Variants in CALN1 observed in about 807,000 individuals in gnomAD.
The protein encoded by CALN1 is calcium-binding protein 8.
Under a neutral mutation model 30.6 loss-of-function variants are expected in CALN1, and 17 were observed. The observed-to-expected ratio is 0.56, with a 90% CI of 0.38 to 0.83. The LOEUF is 0.83. CALN1 is among the 40% of genes least tolerant of loss of function. The pLI is 0.00. For missense variants in CALN1, 291 were observed against 354.9 expected (o/e 0.82, Z 1.45); for synonymous variants, 156 against 131.4 (o/e 1.19, Z -1.28).
chr7:72,369,344 A>T (rs1170076524), intron 2 of CALN1, among the ~76,000 whole-genome samples: 1 of 69,526 alleles, frequency 1.4e-5, no homozygotes, highest in African/African-American at 5.2e-5. Flanking sequence ...TATAAATATT[A>T]TAAATATTTA....
chr7:72,358,858 T>C (rs1377523787), intron 2 of CALN1, among the ~76,000 whole-genome samples: 1 of 151,758 alleles, frequency 6.6e-6, no homozygotes, highest in Admixed American at 6.6e-5. Context: ...CTCGGTAGGC[T>C]GAGGCAGGAG....
chr7:71,881,367 T>G (rs993751530), intron 5 of CALN1, among the ~76,000 whole-genome samples: 4 of 152,156 alleles, frequency 2.6e-5, no homozygotes, highest in African/African-American at 9.7e-5. Context: ...TATACATCTA[T>G]CCTATTAGTT....
chr7:72,448,865 A>G (rs1282593440), upstream of CALN1, among the ~76,000 whole-genome samples: 1 of 152,146 alleles, frequency 6.6e-6, no homozygotes, highest in Non-Finnish European at 1.5e-5. Flanking sequence ...TCGGCCTCCC[A>G]AAGTGCTGGG....
intron 5 of CALN1, among the ~76,000 whole-genome samples, chr7:72,010,889 TA>T (rs1241085145): frequency 6.6e-6 from 1 of 151,266 alleles, no homozygotes; most frequent in African/African-American, 2.4e-5. Context: ...GCGTGGTGGC[TA>T]ATGCCTGTAA....
intron 2 of CALN1, among the ~76,000 whole-genome samples, chr7:72,317,598 C>A (rs368288634): frequency 6.6e-6 from 1 of 152,074 alleles, no homozygotes; most frequent in African/African-American, 2.4e-5. Context: ...GACCACAGGG[C>A]GAACTGGGCT....
Position 71,851,208 on chromosome 7 carries a change from AACACAC to A in CALN1, c.502-40722_502-40717del, listed in dbSNP as rs56041427. On this transcript the variant is annotated intron_variant, in intron 5 of 6. Coordinates refer to ENST00000395275, the MANE Select transcript of CALN1 (RefSeq NM_031468.4). Reference sequence around the variant, plus strand: ...GGCGACAGAGAGAGACCTTGTCTCAAACACACACACACACACACACACACACACACA... The same window carrying A: ...GGCGACAGAGAGAGACCTTGTCTCAAACACACACACACACACACACACACA... Among the ~76,000 whole-genome samples, 427 of 132,168 alleles carry A rather than the reference AACACAC, an allele frequency of 3.2e-3. 2 individuals are homozygous for A. The highest frequency in any genetic ancestry group is 7.5e-3 in the African/African-American group (260 of 34,748). The allele number at this position is 132,168 out of a possible 152,430, so 86.7% of individuals were successfully genotyped here. A position where few individuals can be genotyped will look rare whatever the true frequency, so the allele number is the denominator to read the frequency against.
rs1490855778 is a variant in CALN1 at position 71,785,103 on chromosome 7, G to A, written c.*2672C>T. Reference sequence around the variant, plus strand: ...GCACTGTGTCCTTCAGTCCCTGGGTGCCACATGGGGGGTTACCACAGTGGG... The same window carrying A: ...GCACTGTGTCCTTCAGTCCCTGGGTACCACATGGGGGGTTACCACAGTGGG... On this transcript the variant is annotated 3_prime_UTR_variant, in exon 7 of 7. Transcript: ENST00000395275. The A allele has an allele frequency of 2.6e-6, 1 of 382,874 alleles. No individual in the cohort carries two copies. Among genetic ancestry groups the A allele is most frequent in the East Asian group, 3.7e-5 (1 of 26,794 alleles). The allele number at this position is 382,874 out of a possible 1,614,324, so 23.7% of individuals were successfully genotyped here. A position where few individuals can be genotyped will look rare whatever the true frequency, so the allele number is the denominator to read the frequency against.
chr7:71,964,259 A>G (rs10807740), intron 5 of CALN1, among the ~76,000 whole-genome samples: 41,583 of 152,004 alleles, frequency 0.27, 6,190 homozygotes, highest in East Asian at 0.45. Context: ...GCATGCAGAC[A>G]GGCAGGTGTA....
At chr7:72,143,131 C>T (rs1227031244) in intron 3 of CALN1, among the ~76,000 whole-genome samples, 3 of 152,214 alleles carry the variant, frequency 2.0e-5, no homozygotes, top group Non-Finnish European at 2.9e-5. Flanking sequence ...CAGAGAATGA[C>T]TTTGACGAGT....
intron 3 of CALN1, among the ~76,000 whole-genome samples, chr7:72,161,598 G>C (rs746943990): frequency 7.9e-5 from 12 of 152,150 alleles, no homozygotes; most frequent in Non-Finnish European, 1.6e-4. Flanking sequence ...ACCCTAAAAT[G>C]TGGAACTCTC....
chr7:72,100,761 A>G (rs1342741335), intron 4 of CALN1, among the ~76,000 whole-genome samples: 1 of 140,074 alleles, frequency 7.1e-6, no homozygotes, highest in African/African-American at 2.6e-5. Context: ...CGGAGCTTGC[A>G]GTGAGCCAAG....
chr7:71,907,303 G>C (rs1002134044), intron 5 of CALN1, among the ~76,000 whole-genome samples: 23 of 151,402 alleles, frequency 1.5e-4, no homozygotes, highest in Admixed American at 1.5e-3. Flanking sequence ...CATCGCAAGC[G>C]TCTCCAGAAT....
intron 6 of CALN1, among the ~76,000 whole-genome samples, chr7:71,789,784 A>G (rs925699696): frequency 6.6e-6 from 1 of 152,152 alleles, no homozygotes; most frequent in Non-Finnish European, 1.5e-5. Context: ...ATTAGCGGAT[A>G]TTAATATGGG....
intron 5 of CALN1, among the ~76,000 whole-genome samples, chr7:71,867,281 A>G (rs572520646): frequency 2.0e-5 from 3 of 152,202 alleles, no homozygotes; most frequent in Non-Finnish European, 4.4e-5. Context: ...GGGAAAAAAG[A>G]GGCCAGTCAC....
chr7:72,391,341 AG>A (rs1464713444), intron 2 of CALN1, among the ~76,000 whole-genome samples: 1 of 152,222 alleles, frequency 6.6e-6, no homozygotes, highest in Non-Finnish European at 1.5e-5. Context: ...AGGTATCCAC[AG>A]GATCCTCAGA....
intron 5 of CALN1, among the ~76,000 whole-genome samples, chr7:71,894,723 G>A (rs2051884): frequency 0.24 from 36,509 of 152,038 alleles, 5,274 homozygotes; most frequent in African/African-American, 0.41. Flanking sequence ...AGAAAAACCC[G>A]TAGTGTTATT....
rs1488546983 is a variant in CALN1, at chr7:72,154,293, C to T, written c.245-47999G>A. On this transcript the variant is annotated intron_variant, in intron 3 of 6. Coordinates refer to ENST00000395275, the MANE Select transcript of CALN1 (RefSeq NM_031468.4). ...ACCTTGTCCAGCGTCATGCAAAATGCCTTGGCCAAGCCAAACTTGAACTTG... is the reference window on the plus strand; with the variant it reads ...ACCTTGTCCAGCGTCATGCAAAATGTCTTGGCCAAGCCAAACTTGAACTTG... Among the ~76,000 whole-genome samples the T allele has an allele frequency of 2.0e-5, 3 of 151,986 alleles. No individual in the cohort carries two copies. In the East Asian group the frequency reaches 5.8e-4, roughly 29 times the overall value.
At chr7:72,401,280 G>A (rs541988279) in intron 2 of CALN1, among the ~76,000 whole-genome samples, 26 of 151,760 alleles carry the variant, frequency 1.7e-4, no homozygotes, top group African/African-American at 6.3e-4. Flanking sequence ...GGGAGAACAC[G>A]TTCCTGATGG....
chr7:72,117,243 A>G (rs959405), intron 3 of CALN1, among the ~76,000 whole-genome samples: 27,823 of 152,104 alleles, frequency 0.18, 2,743 homozygotes, highest in East Asian at 0.27. Context: ...CTTGAACCCA[A>G]GAGTTTGAAG....
Sources: allele counts gnomAD v4.1 joint callset (sites outside exome capture counted in the v4.1 genomes callset), GRCh38; gene constraint gnomAD v4.1.1; transcripts MANE v1.5; gene names NCBI Gene and HGNC (gene_info 2026-07-23, HGNC 2026-07-21).